Variants in RNGTT observed in about 807,000 individuals in gnomAD.
The protein encoded by RNGTT is RNA guanylyltransferase and 5'-phosphatase, also known as mRNA-capping enzyme.
Under a neutral mutation model 79.3 loss-of-function variants are expected in RNGTT, and 33 were observed. That is an observed-to-expected ratio of 0.42 (90% CI 0.32 to 0.56). The LOEUF (loss-of-function observed/expected upper bound fraction) is 0.56. RNGTT is among the 20% of genes least tolerant of loss of function. RNGTT has a pLI of 0.17. For missense variants in RNGTT, 497 were observed against 739.1 expected, an observed-to-expected ratio of 0.67 and a Z score of 3.80; for synonymous variants, 222 against 235.9, an observed-to-expected ratio of 0.94 and a Z score of 0.54.
chr6:88,857,438 C>T (rs992235958), intron 8 of RNGTT, among the ~76,000 whole-genome samples: 18 of 152,108 alleles, frequency 1.2e-4, no homozygotes, highest in African/African-American at 4.3e-4. Flanking sequence ...AAGTATCTTG[C>T]ACAGTCTACC....
At chr6:88,702,184 T>A (rs1438737456) in intron 13 of RNGTT, among the ~76,000 whole-genome samples, 1 of 151,912 alleles carries the variant, frequency 6.6e-6, no homozygotes, top group African/African-American at 2.4e-5. Context: ...CAAACTACCA[T>A]CATTTTTCAC....
intron 10 of RNGTT, among the ~76,000 whole-genome samples, chr6:88,845,326 TAC>T (rs1380527746): frequency 6.6e-6 from 1 of 152,206 alleles, no homozygotes; most frequent in Non-Finnish European, 1.5e-5. Context: ...CTCCCTCAAA[TAC>T]ACTTTCCCTT....
intron 4 of RNGTT, among the ~76,000 whole-genome samples, chr6:88,919,607 C>A (rs1051434763): frequency 2.0e-5 from 3 of 151,858 alleles, no homozygotes; most frequent in African/African-American, 7.3e-5. Context: ...GCATGAGCCA[C>A]CACACCTGGC....
chr6:88,906,372 C>A lies in RNGTT; in HGVS notation c.436G>T (p.Asp146Tyr). ...LICAFLVEKM[D>Y]WSIEAAVATF... ...ATAACAAGATACAAATACCTCCAAT[C>A]CATTTTCTCCACCAAAAAGGCACAT... Residue 146 changes from aspartate (D) to tyrosine (Y), a missense_variant, in exon 5 of 16, where the codon GAT (aspartate) becomes TAT (tyrosine). Around this residue, in one of 3 missense-constraint regions of RNGTT, gnomAD observed 440 missense variants for 671.5 expected, o/e 0.66. Transcript: ENST00000369485. The A allele has an allele frequency of 6.3e-7, 1 of 1,587,600 alleles. No individual in the cohort carries two copies. The highest frequency in any genetic ancestry group is 8.6e-7 in the Non-Finnish European group (1 of 1,165,268).
intron 6 of RNGTT, among the ~76,000 whole-genome samples, chr6:88,898,346 ATTTCT>A (rs1165711616): frequency 6.6e-6 from 1 of 151,958 alleles, no homozygotes; most frequent in Non-Finnish European, 1.5e-5. Flanking sequence ...CATATTTTAC[ATTTCT>A]TTTGTCTTTT....
intron 1 of RNGTT, among the ~76,000 whole-genome samples, chr6:88,950,601 A>T (rs1328466023): frequency 6.6e-6 from 1 of 152,202 alleles, no homozygotes; most frequent in South Asian, 2.1e-4. Flanking sequence ...GACTTTGAGG[A>T]GTTCAAGACT....
intron 2 of RNGTT, among the ~76,000 whole-genome samples, chr6:88,930,030 G>GCATATATATGCATATATA: frequency 9.3e-6 from 1 of 107,382 alleles, no homozygotes; most frequent in South Asian, 3.1e-4. Flanking sequence ...ACACATATAT[G>GCATATATATGCATATATA]CATATATATG....
chr6:88,759,836 T>C (rs1426174550), intron 13 of RNGTT, among the ~76,000 whole-genome samples: 2 of 150,886 alleles, frequency 1.3e-5, no homozygotes, highest in Non-Finnish European at 1.5e-5. Flanking sequence ...ATTCAAATCC[T>C]ATGTTCCTAA....
chr6:88,858,146 T>C (rs1036598389), intron 8 of RNGTT, among the ~76,000 whole-genome samples: 2 of 152,222 alleles, frequency 1.3e-5, no homozygotes, highest in African/African-American at 4.8e-5. Flanking sequence ...ATCATTTACA[T>C]TGATTTATTT....
At chr6:88,671,130 AG>A (rs1774624059) in intron 14 of RNGTT, among the ~76,000 whole-genome samples, 1 of 152,234 alleles carries the variant, frequency 6.6e-6, no homozygotes, top group African/African-American at 2.4e-5. Context: ...AAATAAATAA[AG>A]GGCATCCAAA....
intron 8 of RNGTT, among the ~76,000 whole-genome samples, chr6:88,883,235 T>C (rs1271867626): frequency 6.8e-6 from 1 of 147,824 alleles, no homozygotes; most frequent in Non-Finnish European, 1.5e-5. Context: ...GCATGCACTA[T>C]ATAAAACAGT....
chr6:88,931,454 T>A (rs1485246847), intron 2 of RNGTT, among the ~76,000 whole-genome samples: 6 of 152,164 alleles, frequency 3.9e-5, no homozygotes. Context: ...AGAGCAAAAG[T>A]GAGAGGGAGA....
chr6:88,718,156 G>A (rs9451065), intron 13 of RNGTT, among the ~76,000 whole-genome samples: 22,572 of 152,020 alleles, frequency 0.15, 5,555 homozygotes, highest in African/African-American at 0.51. Flanking sequence ...ACTTTGGGAG[G>A]CAGGCGGATT....
At chr6:88,810,332 T>C (rs900002144) in intron 11 of RNGTT, among the ~76,000 whole-genome samples, 1 of 152,128 alleles carries the variant, frequency 6.6e-6, no homozygotes, top group African/African-American at 2.4e-5. Flanking sequence ...AAGATGGAAG[T>C]TGTATCAAAG....
intron 12 of RNGTT, among the ~76,000 whole-genome samples, chr6:88,789,344 G>A (rs1464522169): frequency 6.6e-6 from 1 of 152,188 alleles, no homozygotes; most frequent in South Asian, 2.1e-4. Flanking sequence ...AGTGGATAAC[G>A]AGGTCAGGAG....
chr6:88,655,587 T>C (rs1354947970), intron 14 of RNGTT, among the ~76,000 whole-genome samples: 1 of 152,112 alleles, frequency 6.6e-6, no homozygotes, highest in Non-Finnish European at 1.5e-5. Context: ...GTTGCTGTAC[T>C]GACTGAAAAA....
At chr6:88,715,125 T>C (rs1776462493) in intron 13 of RNGTT, among the ~76,000 whole-genome samples, 2 of 152,130 alleles carry the variant, frequency 1.3e-5, no homozygotes, top group African/African-American at 4.8e-5. Context: ...AGTCTCAGGA[T>C]ACAAAATCAA....
At chr6:88,722,502 C>G (rs192081820) in intron 13 of RNGTT, among the ~76,000 whole-genome samples, 28 of 152,262 alleles carry the variant, frequency 1.8e-4, no homozygotes, top group Admixed American at 1.6e-3. Flanking sequence ...CACAGATCAG[C>G]GTATCTTGAA....
At chr6:88,835,643 C>A (rs749656700) in intron 11 of RNGTT, among the ~76,000 whole-genome samples, 15 of 152,140 alleles carry the variant, frequency 9.9e-5, no homozygotes, top group Non-Finnish European at 2.1e-4. Flanking sequence ...AAAGCAGCTT[C>A]TCAGACTAAG....
Sources: allele counts gnomAD v4.1 joint callset (sites outside exome capture counted in the v4.1 genomes callset), GRCh38; gene constraint gnomAD v4.1.1; regional missense constraint gnomAD v4.1.1; transcripts MANE v1.5; gene names NCBI Gene and HGNC (gene_info 2026-07-23, HGNC 2026-07-21).